Variants in KSR1 observed in about 807,000 individuals in gnomAD.
KSR1 encodes kinase suppressor of ras.
KSR1 carries 35 observed loss-of-function variants against 92.9 expected under a neutral mutation model. The ratio of observed to expected loss-of-function variants is 0.38; its 90% CI spans 0.29 to 0.50. The LOEUF (loss-of-function observed/expected upper bound fraction) is 0.50, where lower values mean the gene tolerates loss of function less well. KSR1 is among the 20% of genes least tolerant of loss of function. KSR1 has a pLI of 0.94. For synonymous variants in KSR1, 467 were observed against 472.6 expected (o/e 0.99, Z 0.15); for missense variants, 972 against 1,158.5 (o/e 0.84, Z 2.34).
At chr17:27,587,387 A>T (rs1408153222) in intron 5 of KSR1, 1 of 152,232 alleles carries the variant, frequency 6.6e-6, no homozygotes, top group African/African-American at 2.4e-5. Flanking sequence ...CAAGTGAACC[A>T]GCACTTCATG....
intron 1 of KSR1, among the ~76,000 whole-genome samples, chr17:27,516,180 CTCTG>C (rs2069786514): frequency 6.6e-6 from 1 of 152,156 alleles, no homozygotes; most frequent in Non-Finnish European, 1.5e-5. Flanking sequence ...GTTACCTGAT[CTCTG>C]TCTGTTTTCT....
intron 2 of KSR1, among the ~76,000 whole-genome samples, chr17:27,558,468 G>A (rs1418009948): frequency 6.6e-6 from 1 of 151,996 alleles, no homozygotes; most frequent in African/African-American, 2.4e-5. Context: ...ACATACATGC[G>A]CACACAGTGA....
chr17:27,548,254 TA>T (rs1012829629), intron 1 of KSR1, among the ~76,000 whole-genome samples: 4 of 149,092 alleles, frequency 2.7e-5, no homozygotes, highest in Non-Finnish European at 6.0e-5. Flanking sequence ...AAGATAAAGA[TA>T]AAAAAAGAAA....
At chr17:27,619,491 G>A (rs9910932) in intron 19 of KSR1, among the ~76,000 whole-genome samples, 66 of 151,346 alleles carry the variant, frequency 4.4e-4, no homozygotes, top group South Asian at 2.1e-3. Context: ...TCCACCTCCC[G>A]GGTTCAAGCG....
intron 2 of KSR1, among the ~76,000 whole-genome samples, chr17:27,553,589 G>A (rs2071482181): frequency 6.6e-6 from 1 of 152,208 alleles, no homozygotes; most frequent in Admixed American, 6.5e-5. Flanking sequence ...GCCTGCTGGA[G>A]GTACCTGGGC....
rs1004325327 is a variant in KSR1 at position 27,559,077 on chromosome 17, C to T, written c.372+8369C>T. ...ATCTAAATACCATTTCAGATTTTGT[C>T]TTTTGGTTGGATAGTGTTTGCGGTC... On this transcript the variant is annotated intron_variant, in intron 2 of 20. Transcript: ENST00000644974. The surrounding 1 kb of genome is among the most constrained non-coding windows in gnomAD (Gnocchi z 4.2). 6.6e-6 allele frequency among the ~76,000 whole-genome samples: 1 copy of T among 152,168 alleles called. No homozygotes were observed. Among genetic ancestry groups the T allele is most frequent in the African/African-American group, 2.4e-5 (1 of 41,416 alleles).
intron 1 of KSR1, among the ~76,000 whole-genome samples, chr17:27,481,321 T>C (rs1336231657): frequency 6.6e-6 from 1 of 152,210 alleles, no homozygotes; most frequent in Non-Finnish European, 1.5e-5. Context: ...TGAGCCCCAG[T>C]TTTCTTGTTT....
intron 15 of KSR1, among the ~76,000 whole-genome samples, chr17:27,608,856 C>T (rs934812748): frequency 2.6e-5 from 4 of 152,214 alleles, no homozygotes; most frequent in Non-Finnish European, 5.9e-5. Context: ...TGACTGTACA[C>T]TGATAAATCT....
At chr17:27,477,222 C>T (rs978898596) in intron 1 of KSR1, among the ~76,000 whole-genome samples, 2 of 152,112 alleles carry the variant, frequency 1.3e-5, no homozygotes, top group Non-Finnish European at 2.9e-5. Flanking sequence ...TCAGCAAGGT[C>T]GTTATGACCT....
chr17:27,562,557 T>G (rs1383028412), intron 2 of KSR1, among the ~76,000 whole-genome samples: 1 of 152,210 alleles, frequency 6.6e-6, no homozygotes, highest in Non-Finnish European at 1.5e-5. Context: ...CTGAGCCCCC[T>G]CTGGGGACTA....
intron 1 of KSR1, among the ~76,000 whole-genome samples, chr17:27,519,951 G>A (rs528296036): frequency 3.3e-5 from 5 of 152,316 alleles, no homozygotes; most frequent in Admixed American, 3.3e-4. Flanking sequence ...TACTGAACCT[G>A]GCAGGGCTGC....
chr17:27,517,297 C>A (rs946907123), intron 1 of KSR1, among the ~76,000 whole-genome samples: 6 of 152,196 alleles, frequency 3.9e-5, no homozygotes, highest in African/African-American at 1.4e-4. Context: ...TCTATTGATT[C>A]CAGGTCTTTA....
Position 27,581,530 on chromosome 17 carries a change from C to T in KSR1, c.521-1116C>T, listed in dbSNP as rs931911454. On this transcript the variant is annotated intron_variant, in intron 3 of 20. Coordinates refer to ENST00000644974, the MANE Select transcript of KSR1 (RefSeq NM_001394583.1). ...TATGCTGTTCCCTCTGCCTGGTGCT[C>T]CTTCTCCACCTTCTTCCATAGCTGG... 2.0e-5 allele frequency among the ~76,000 whole-genome samples: 3 copies of T among 152,136 alleles called. No homozygotes were observed. In the East Asian group the frequency reaches 5.8e-4, roughly 30 times the overall value.
intron 1 of KSR1, among the ~76,000 whole-genome samples, chr17:27,491,965 C>A (rs1377748369): frequency 2.0e-5 from 3 of 152,180 alleles, no homozygotes; most frequent in Non-Finnish European, 4.4e-5. Flanking sequence ...GCCTGCCTCC[C>A]TCCCATGTCT....
intron 1 of KSR1, among the ~76,000 whole-genome samples, chr17:27,502,315 G>A (rs2069219813): frequency 6.6e-6 from 1 of 152,172 alleles, no homozygotes; most frequent in Non-Finnish European, 1.5e-5. Context: ...AAGACAAGGT[G>A]GCTGTCCATC....
intron 1 of KSR1, among the ~76,000 whole-genome samples, chr17:27,506,641 G>C (rs1490255847): frequency 6.6e-6 from 1 of 152,050 alleles, no homozygotes; most frequent in African/African-American, 2.4e-5. Flanking sequence ...GGTGTTCTTG[G>C]GGATTTGTCC....
chr17:27,601,865 C>T (rs1260738985), intron 11 of KSR1: 2 of 1,579,758 alleles, frequency 1.3e-6, no homozygotes, highest in African/African-American at 1.3e-5. Flanking sequence ...TCTTAGTGGG[C>T]TTCACCCTTC....
rs939263805 is a variant in KSR1 at position 27,583,125 on chromosome 17, A to G, written c.980+20A>G. ...GATGAGGTGAGTGCTCCTTCTGGGCAGCTACCAAAAGTGCCCTCTGTGGTT... is the reference window on the plus strand; with the variant it reads ...GATGAGGTGAGTGCTCCTTCTGGGCGGCTACCAAAAGTGCCCTCTGTGGTT... On this transcript the variant is annotated intron_variant, in intron 4 of 20. Coordinates refer to ENST00000644974, the MANE Select transcript of KSR1 (RefSeq NM_001394583.1). 4.1e-6 allele frequency: 6 copies of G among 1,467,420 alleles called. No homozygotes were observed. The highest frequency in any genetic ancestry group is 5.5e-6 in the Non-Finnish European group (6 of 1,098,670). The allele number at this position is 1,467,420 out of a possible 1,614,324, so 90.9% of individuals were successfully genotyped here.
intron 18 of KSR1, 116 bp from the exon 19 acceptor site, chr17:27,617,179 G>A (rs751719301): frequency 1.4e-5 from 16 of 1,148,474 alleles, no homozygotes; most frequent in Non-Finnish European, 1.7e-5. Flanking sequence ...TGTTCAGGGG[G>A]CCGCCAGTTA....
Sources: gnomAD v4.1 joint callset for allele counts (sites outside exome capture counted in the v4.1 genomes callset) on GRCh38, gnomAD v4.1.1 for gene constraint, Gnocchi (gnomAD v3.1) non-coding constraint, MANE v1.5 for transcripts, NCBI Gene and HGNC (gene_info 2026-07-23, HGNC 2026-07-21) for gene names.